The following SAMD13 variants were observed in gnomAD, a reference collection of about 807,000 sequenced individuals.
SAMD13 encodes sterile alpha motif domain-containing protein 13.
SAMD13 carries 9 observed loss-of-function variants against 12.4 expected under a neutral mutation model. The observed-to-expected ratio is 0.72, with a 90% CI of 0.44 to 1.26. SAMD13 has a LOEUF of 1.26. Among genes scored for constraint, SAMD13 ranks in the 50% most tolerant of loss-of-function variants. The pLI, the probability that SAMD13 is intolerant of heterozygous loss-of-function variation, is 0.00. For synonymous variants in SAMD13, 46 were observed against 45.4 expected (o/e 1.01, Z -0.05); for missense variants, 84 against 119.6 (o/e 0.70, Z 1.39).
At chr1:84,332,153 AT>A (rs1679205333) in intron 3 of SAMD13, among the ~76,000 whole-genome samples, 3 of 152,052 alleles carry the variant, frequency 2.0e-5, no homozygotes, top group Admixed American at 2.0e-4. Context: ...ACTTAGGTTG[AT>A]TTCATATCTT....
chr1:84,342,643 T>C (rs1679453946), intron 3 of SAMD13, among the ~76,000 whole-genome samples: 2 of 152,190 alleles, frequency 1.3e-5, no homozygotes. Flanking sequence ...CTGGGAGAAC[T>C]GGCTAGCCAC....
At chr1:84,328,510 T>C (rs1679107469) in intron 3 of SAMD13, among the ~76,000 whole-genome samples, 1 of 152,128 alleles carries the variant, frequency 6.6e-6, no homozygotes, top group East Asian at 1.9e-4. Flanking sequence ...GATTCAAATA[T>C]CGTTTCTCCT....
intron 3 of SAMD13, among the ~76,000 whole-genome samples, chr1:84,333,178 C>G (rs1350302652): frequency 6.6e-6 from 1 of 152,046 alleles, no homozygotes; most frequent in East Asian, 1.9e-4. Flanking sequence ...CTTAGGATTC[C>G]CTTCGCTGTT....
At position 84,349,898 on chromosome 1, in the gene SAMD13, C is replaced by T. The variant is rs1281587423; in HGVS notation, c.*124C>T. 4.0e-5 allele frequency: 58 copies of T among 1,432,320 alleles called. No homozygotes were observed. Among genetic ancestry groups the T allele is most frequent in the East Asian group, 1.2e-4 (5 of 41,266 alleles). The allele number at this position is 1,432,320 out of a possible 1,614,324, so 88.7% of individuals were successfully genotyped here. A position where few individuals can be genotyped will look rare whatever the true frequency, so the allele number is the denominator to read the frequency against. ...TGTAAAGAATTTCAATCAAATGAAA[C>T]GTTATCCTATTGGATAGACTAGGCA... On this transcript the variant is annotated 3_prime_UTR_variant, in exon 4 of 4. Transcript: ENST00000394834.
At chr1:84,345,789 A>G (rs531951757) in intron 3 of SAMD13, among the ~76,000 whole-genome samples, 12 of 152,214 alleles carry the variant, frequency 7.9e-5, no homozygotes, top group Non-Finnish European at 1.8e-4. Context: ...GTTACCTAGT[A>G]TAGATTAATG....
At chr1:84,313,808 A>G (rs1678766770) in intron 2 of SAMD13, among the ~76,000 whole-genome samples, 1 of 152,068 alleles carries the variant, frequency 6.6e-6, no homozygotes, top group Admixed American at 6.6e-5. Flanking sequence ...GTGTTGTTTC[A>G]TTTTGAAGCA....
Position 84,303,244 on chromosome 1 carries a change from G to C in SAMD13, c.10G>C (p.Val4Leu). Residue 4 changes from valine (V) to leucine (L), a missense_variant, in exon 2 of 4, where the codon GTT becomes CTT. Transcript: ENST00000394834. Reference protein sequence around the residue: MLSVDMENKENGSV... With the variant: MLSLDMENKENGSV... ...ACCCTGCAGCCTTCCCATGCTATCT[G>C]TTGACATGGAAAACAAGGAAAATGG... 6.2e-7 allele frequency: 1 copy of C among 1,613,160 alleles called. No individual in the cohort carries two copies. Among genetic ancestry groups the C allele is most frequent in the Non-Finnish European group, 8.5e-7 (1 of 1,179,274 alleles).
chr1:84,330,422 G>A (rs1679153966), intron 3 of SAMD13, among the ~76,000 whole-genome samples: 1 of 152,234 alleles, frequency 6.6e-6, no homozygotes, highest in Admixed American at 6.5e-5. Flanking sequence ...AGAGTCAAAG[G>A]TACCTCAAGA....
Position 84,349,715 on chromosome 1 carries a change from A to G in SAMD13, c.250A>G (p.Ile84Val). 1 of 1,613,980 alleles carries G rather than the reference A, an allele frequency of 6.2e-7. No homozygotes were observed. The highest frequency in any genetic ancestry group is 1.7e-5 in the Admixed American group (1 of 60,028). Residue 84 changes from isoleucine to valine, a missense_variant, in exon 4 of 4, where the codon ATC becomes GTC. Ile to Val is a conservative substitution (Grantham distance 29, BLOSUM62 3). Coordinates refer to ENST00000394834, the MANE Select transcript of SAMD13 (RefSeq NM_001134663.2). Reference protein sequence around the residue: ...LQLKLGPALKIYEYHVKPLQT... With the variant: ...LQLKLGPALKVYEYHVKPLQT... Reference sequence around the variant, plus strand: ...GTTAAAATTGGGGCCTGCTCTGAAAATCTACGAATATCATGTAAAACCTCT... The same window carrying G: ...GTTAAAATTGGGGCCTGCTCTGAAAGTCTACGAATATCATGTAAAACCTCT...
upstream of SAMD13, among the ~76,000 whole-genome samples, chr1:84,299,240 G>A (rs1435229732): frequency 2.0e-5 from 3 of 152,102 alleles, no homozygotes; most frequent in Non-Finnish European, 4.4e-5. Flanking sequence ...TTCTGCCTGG[G>A]GGACGAATGC....
At chr1:84,346,591 A>G (rs1317230121) in intron 3 of SAMD13, among the ~76,000 whole-genome samples, 1 of 152,182 alleles carries the variant, frequency 6.6e-6, no homozygotes, top group Non-Finnish European at 1.5e-5. Flanking sequence ...ATATTAATAC[A>G]CAGACTGGGA....
intron 3 of SAMD13, among the ~76,000 whole-genome samples, chr1:84,342,073 G>C (rs1338635318): frequency 6.6e-6 from 1 of 152,126 alleles, no homozygotes; most frequent in Non-Finnish European, 1.5e-5. Context: ...TAAGGAAAAA[G>C]AATAAGAAGA....
intron 2 of SAMD13, among the ~76,000 whole-genome samples, chr1:84,317,518 A>G (rs316665): frequency 0.97 from 147,002 of 152,132 alleles, 71,128 homozygotes; most frequent in Non-Finnish European, 1. Context: ...ATTGATTTTC[A>G]TATGTTGAAC....
intron 3 of SAMD13, among the ~76,000 whole-genome samples, chr1:84,347,639 G>A (rs1249611597): frequency 6.6e-6 from 1 of 152,188 alleles, no homozygotes; most frequent in Non-Finnish European, 1.5e-5. Context: ...AGGAAAGATG[G>A]AGGGTAGGAG....
At chr1:84,302,541 TACACACAC>T (rs58540263) in intron 1 of SAMD13, 4,279 of 204,730 alleles carry the variant, frequency 0.021, 79 homozygotes, top group African/African-American at 0.066. Flanking sequence ...TTCTTACACA[TACACACAC>T]ACACACACAC....
upstream of SAMD13, among the ~76,000 whole-genome samples, chr1:84,301,453 A>G (rs1678453810): frequency 6.6e-6 from 1 of 152,258 alleles, no homozygotes; most frequent in Non-Finnish European, 1.5e-5. Context: ...ATAAGAAGCT[A>G]TTGAGACAGC....
chr1:84,311,133 C>T (rs1246547), intron 2 of SAMD13, among the ~76,000 whole-genome samples: 127,265 of 151,898 alleles, frequency 0.84, 54,006 homozygotes, highest in Non-Finnish European at 0.92. Context: ...GTCAGGAGTT[C>T]GAGAAAAGCC....
chr1:84,335,975 A>C (rs1318239456), intron 3 of SAMD13, among the ~76,000 whole-genome samples: 2 of 152,078 alleles, frequency 1.3e-5, no homozygotes, highest in African/African-American at 4.8e-5. Context: ...TCTGCCTTTT[A>C]CATTTTTAAT....
chr1:84,299,244 C>G (rs1441929311), upstream of SAMD13, among the ~76,000 whole-genome samples: 2 of 152,222 alleles, frequency 1.3e-5, no homozygotes, highest in Non-Finnish European at 2.9e-5. Flanking sequence ...GCCTGGGGGA[C>G]GAATGCTGAT....
Sources: gnomAD v4.1 joint callset for allele counts (sites outside exome capture counted in the v4.1 genomes callset) on GRCh38, gnomAD v4.1.1 for gene constraint, MANE v1.5 for transcripts, NCBI Gene and HGNC (gene_info 2026-07-23, HGNC 2026-07-21) for gene names.